CLVS1: variants seen among roughly 807,000 people sequenced by gnomAD.
CLVS1 encodes clavesin 1, also known as clavesin-1.
Under a neutral mutation model 33.1 loss-of-function variants are expected in CLVS1, and 10 were observed. The ratio of observed to expected loss-of-function variants is 0.30; its 90% CI spans 0.19 to 0.51. The LOEUF is 0.51. CLVS1 is among the 20% of genes least tolerant of loss of function. The pLI is 0.97. For synonymous variants in CLVS1, 163 were observed against 166.1 expected, an observed-to-expected ratio of 0.98 and a Z score of 0.14; for missense variants, 343 against 433.4, an observed-to-expected ratio of 0.79 and a Z score of 1.85.
chr8:60,967,185 G>A, the CLVS1 span, among the ~76,000 whole-genome samples: 2 of 152,170 alleles, frequency 1.3e-5, no homozygotes, highest in Non-Finnish European at 2.9e-5. Context: ...GTAGTCCTGC[G>A]CTAGGTCTGA....
chr8:61,300,385 A>T (rs1810383908), intron 2 of CLVS1, 103 bp downstream of exon 2: 1 of 1,035,984 alleles, frequency 9.7e-7, no homozygotes, highest in African/African-American at 1.6e-5. Context: ...TTCATTAAAA[A>T]ATATTTCACA....
At chr8:61,288,211 T>G (rs559697414) in intron 1 of CLVS1, 73 bp downstream of exon 1, 1 of 456,340 alleles carries the variant, frequency 2.2e-6, no homozygotes. Flanking sequence ...TTCGATGCCA[T>G]GGCTGCGGCG....
At chr8:61,425,570 C>T (rs2129604873) in intron 3 of CLVS1, among the ~76,000 whole-genome samples, 1 of 152,340 alleles carries the variant, frequency 6.6e-6, no homozygotes. Context: ...GTTTCATCAA[C>T]CCAGTAAGAA....
At position 61,282,238 on chromosome 8, in the gene CLVS1, T is replaced by A. The variant is rs190576824; in HGVS notation, c.-151-17439T>A. Among the ~76,000 whole-genome samples, 3 of 152,194 alleles carry A rather than the reference T, an allele frequency of 2.0e-5. No individual in the cohort carries two copies. The East Asian group carries it at 5.8e-4, about 29-fold the overall frequency. Reference sequence around the variant, plus strand: ...GAATCTCAGTAAGTAGAAGACAGAATGGGGAAAGTTGCAGAGCGAAGTGGC... The same window carrying A: ...GAATCTCAGTAAGTAGAAGACAGAAAGGGGAAAGTTGCAGAGCGAAGTGGC... On this transcript the variant is annotated intron_variant, in intron 2 of 2. Coordinates refer to the CLVS1 transcript ENST00000522621.
chr8:61,301,616 G>A (rs3889296), intron 2 of CLVS1, among the ~76,000 whole-genome samples: 40,117 of 152,062 alleles, frequency 0.26, 7,789 homozygotes, highest in East Asian at 0.84. Context: ...ACTTTGCATG[G>A]TAGATATTAG....
intron 1 of CLVS1, among the ~76,000 whole-genome samples, chr8:61,298,950 G>T (rs1187131977): frequency 6.6e-6 from 1 of 151,918 alleles, no homozygotes. Flanking sequence ...CCAACCAAGA[G>T]TCTCAAGTCC....
At chr8:60,991,137 TTAA>T in the CLVS1 span, among the ~76,000 whole-genome samples, 1 of 152,290 alleles carries the variant, frequency 6.6e-6, no homozygotes, top group African/African-American at 2.4e-5. Context: ...CTAAGTAATA[TTAA>T]TAATAACAAT....
At chr8:61,029,940 C>T in the CLVS1 span, among the ~76,000 whole-genome samples, 31 of 152,152 alleles carry the variant, frequency 2.0e-4, no homozygotes, top group African/African-American at 4.6e-4. Context: ...GAGGAAAGGC[C>T]GCCCTACAGC....
Position 61,501,400 on chromosome 8 carries a change from T to C in CLVS1, c.*1858T>C, listed in dbSNP as rs1453313165. 1 of 152,170 alleles carries C rather than the reference T, an allele frequency of 6.6e-6. No homozygotes were observed. Among genetic ancestry groups the C allele is most frequent in the Non-Finnish European group, 1.5e-5 (1 of 67,990 alleles). 9.4% of individuals were successfully genotyped at this position (152,170 alleles called of 1,614,324 possible). Reference sequence around the variant, plus strand: ...TGTAGTGACCTGATTTTAAATACCATATTATATTTACTAAGTTAAGAGCTA... The same window carrying C: ...TGTAGTGACCTGATTTTAAATACCACATTATATTTACTAAGTTAAGAGCTA... On this transcript the variant is annotated 3_prime_UTR_variant, in exon 6 of 6. Coordinates refer to ENST00000325897, the MANE Select transcript of CLVS1 (RefSeq NM_173519.3).
At chr8:61,452,351 C>A (rs1221976322) in intron 3 of CLVS1, among the ~76,000 whole-genome samples, 2 of 152,200 alleles carry the variant, frequency 1.3e-5, no homozygotes, top group African/African-American at 4.8e-5. Flanking sequence ...TTATTGGTCC[C>A]ATTAAAAAGA....
chr8:61,408,896 G>T (rs1171782136), intron 3 of CLVS1, among the ~76,000 whole-genome samples: 1 of 152,128 alleles, frequency 6.6e-6, no homozygotes, highest in Non-Finnish European at 1.5e-5. Context: ...GATACCTAGA[G>T]TTTATGGGGA....
intron 2 of CLVS1, among the ~76,000 whole-genome samples, chr8:61,233,663 G>A (rs925441524): frequency 6.6e-6 from 1 of 152,206 alleles, no homozygotes; most frequent in Non-Finnish European, 1.5e-5. Flanking sequence ...CTCTGGGCTG[G>A]TGCCCCCTGG....
intron 2 of CLVS1, among the ~76,000 whole-genome samples, chr8:61,246,160 T>C (rs796112210): frequency 1.5e-4 from 22 of 142,334 alleles, no homozygotes; most frequent in African/African-American, 5.5e-4. Context: ...TTTCTCTTCC[T>C]TCCCAACTTT....
At chr8:61,191,326 C>T (rs1223199197) in intron 2 of CLVS1, among the ~76,000 whole-genome samples, 4 of 152,110 alleles carry the variant, frequency 2.6e-5, no homozygotes, top group East Asian at 1.9e-4. Context: ...AATTCAACAG[C>T]GCTTCATGCT....
rs556915581 is a variant in CLVS1 at position 61,259,794 on chromosome 8, G to A, written c.-151-39883G>A. ...TGGGTATTTATGGTTAAGAGCAGACGCGGAGCAGGATATTGGCGGTGTGGC... is the reference window on the plus strand; with the variant it reads ...TGGGTATTTATGGTTAAGAGCAGACACGGAGCAGGATATTGGCGGTGTGGC... On this transcript the variant is annotated intron_variant, in intron 2 of 2. Coordinates refer to the CLVS1 transcript ENST00000522621. 2.7e-4 allele frequency among the ~76,000 whole-genome samples: 41 copies of A among 152,340 alleles called. 2 individuals are homozygous for A. In the South Asian group the frequency reaches 6.2e-3, roughly 23 times the overall value.
intron 5 of CLVS1, among the ~76,000 whole-genome samples, chr8:61,478,987 A>G (rs201869198): frequency 6.6e-6 from 1 of 152,148 alleles, no homozygotes; most frequent in African/African-American, 2.4e-5. Context: ...TGGGTAACCC[A>G]ACCTTTCTCT....
At chr8:61,198,938 T>G (rs1447937818) in intron 2 of CLVS1, among the ~76,000 whole-genome samples, 2 of 152,242 alleles carry the variant, frequency 1.3e-5, no homozygotes, top group Non-Finnish European at 2.9e-5. Flanking sequence ...GTGATGTATA[T>G]GTACTACATT....
intron 1 of CLVS1, among the ~76,000 whole-genome samples, chr8:61,087,477 T>C (rs1484326168): frequency 6.6e-6 from 1 of 152,202 alleles, no homozygotes; most frequent in Admixed American, 6.5e-5. Context: ...CCCCTCCTCA[T>C]GCTCCAACTC....
At chr8:61,460,113 G>T (rs1817321152) in intron 5 of CLVS1, among the ~76,000 whole-genome samples, 1 of 152,140 alleles carries the variant, frequency 6.6e-6, no homozygotes, top group Non-Finnish European at 1.5e-5. Flanking sequence ...ATATGAACTT[G>T]GGGATGAGGA....
Sources: allele counts gnomAD v4.1 joint callset (sites outside exome capture counted in the v4.1 genomes callset), GRCh38; gene constraint gnomAD v4.1.1; transcripts MANE v1.5; gene names NCBI Gene and HGNC (gene_info 2026-07-23, HGNC 2026-07-21).